Variants in DHODH observed in about 807,000 individuals in gnomAD.
DHODH encodes the protein dihydroorotate dehydrogenase (quinone), also known as dihydroorotate dehydrogenase (quinone), mitochondrial.
Under a neutral mutation model 39.7 loss-of-function variants are expected in DHODH, and 30 were observed. The observed-to-expected ratio is 0.76, with a 90% confidence interval of 0.57 to 1.02. DHODH has a LOEUF of 1.02. Ranked by LOEUF, DHODH falls within the 50% of genes least tolerant of loss-of-function variation. The pLI is 0.00. For synonymous variants in DHODH, 222 were observed against 213.8 expected (o/e 1.04, Z -0.34); for missense variants, 531 against 520.8 (o/e 1.02, Z -0.19).
At chr16:72,019,711 G>A (rs2041181841) in intron 4 of DHODH, among the ~76,000 whole-genome samples, 1 of 152,134 alleles carries the variant, frequency 6.6e-6, no homozygotes, top group South Asian at 2.1e-4. Context: ...CCCAGGCTAG[G>A]GGAGTAATCA....
intron 5 of DHODH, 42 bp from the exon 6 acceptor site, chr16:72,022,320 G>A (rs370985761): frequency 2.1e-6 from 3 of 1,462,980 alleles, no homozygotes; most frequent in Non-Finnish European, 2.8e-6. Context: ...CTGCAGGGCT[G>A]TGGTCTGCGG....
At chr16:72,009,031 G>A in intron 1 of DHODH, 1 of 1,423,366 alleles carries the variant, frequency 7.0e-7, no homozygotes, top group Non-Finnish European at 9.2e-7. Context: ...GTCTGCGCCT[G>A]GGCCATGTTT....
At chr16:72,013,135 C>T (rs1229300113) in intron 2 of DHODH, among the ~76,000 whole-genome samples, 3 of 151,430 alleles carry the variant, frequency 2.0e-5, no homozygotes, top group Non-Finnish European at 2.9e-5. Flanking sequence ...GGGCCTTCAC[C>T]GCATTTTCTC....
intron 3 of DHODH, chr16:72,016,056 A>G: frequency 5.5e-6 from 1 of 180,978 alleles, no homozygotes; most frequent in Non-Finnish European, 1.1e-5. Context: ...CAGTGTTGAG[A>G]CTCTGGTCCA....
chr16:72,021,434 G>A, intron 5 of DHODH, 123 bp downstream of exon 5: 1 of 1,060,390 alleles, frequency 9.4e-7, no homozygotes, highest in Admixed American at 2.0e-5. Context: ...TAGACCAGTA[G>A]GACCCCTGGC....
At chr16:72,013,154 T>G (rs1208977257) in intron 2 of DHODH, among the ~76,000 whole-genome samples, 2 of 147,430 alleles carry the variant, frequency 1.4e-5, no homozygotes, top group Non-Finnish European at 3.0e-5. Flanking sequence ...TCTTCCTACC[T>G]TAGACTCCTC....
chr16:72,015,154 T>C (rs1489002666), intron 3 of DHODH, among the ~76,000 whole-genome samples: 1 of 152,260 alleles, frequency 6.6e-6, no homozygotes, highest in African/African-American at 2.4e-5. Context: ...ATGTTACAAG[T>C]ATTTAAAAAA....
rs1567569608 is a variant in DHODH at position 72,012,243 on chromosome 16, T to A, written c.215T>A (p.Phe72Tyr). The A allele has an allele frequency of 6.2e-7, 1 of 1,614,110 alleles. No individual in the cohort carries two copies. Among genetic ancestry groups the A allele is most frequent in the Non-Finnish European group, 8.5e-7 (1 of 1,180,010 alleles). The part of the protein sequence containing the change: ...TSLGLLPRAR[F>Y]QDSDMLEVRV... ...CTGGGGCTCCTTCCACGGGCCAGAT[T>A]TCAAGACTCTGACATGCTGGTAGTG... Residue 72 changes from phenylalanine to tyrosine, a missense_variant, in exon 2 of 9, where the codon TTT (phenylalanine) becomes TAT (tyrosine). Phe to Tyr is a conservative substitution (Grantham distance 22). Transcript: ENST00000219240.
At chr16:72,014,387 T>C (rs2041116579) in intron 2 of DHODH, 86 bp from the exon 3 acceptor site, 1 of 1,356,010 alleles carries the variant, frequency 7.4e-7, no homozygotes, top group South Asian at 1.2e-5. Context: ...TCCCAGGTCA[T>C]TCTGATGTAG....
In DHODH at chr16:72,025,907, C is replaced by G. The variant is rs1423305263; in HGVS notation, c.*1708C>G. The G allele has an allele frequency of 6.6e-6, 1 of 152,370 alleles. No homozygotes were observed. The highest frequency in any genetic ancestry group is 2.4e-5 in the African/African-American group (1 of 41,456). 9.4% of individuals were successfully genotyped at this position (152,370 alleles called of 1,614,324 possible). The stretch of plus-strand genomic sequence containing the variant: ...ACGGGCAGAGAAGCGGCTGATTGTC[C>G]AGTCCCCCTGCGTGGAGGCTGCTTG... On this transcript the variant is annotated 3_prime_UTR_variant, in exon 9 of 9. Transcript: ENST00000219240.
intron 5 of DHODH, 113 bp downstream of exon 5, chr16:72,021,424 T>A: frequency 8.6e-7 from 1 of 1,156,496 alleles, no homozygotes; most frequent in Non-Finnish European, 1.2e-6. Flanking sequence ...CCTTAGCACC[T>A]AGACCAGTAG....
chr16:72,011,591 G>C (rs1482657282), intron 1 of DHODH, among the ~76,000 whole-genome samples: 1 of 152,168 alleles, frequency 6.6e-6, no homozygotes, highest in Non-Finnish European at 1.5e-5. Flanking sequence ...TGTTTATGTG[G>C]TAAAATATAG....
intron 3 of DHODH, 62 bp downstream of exon 3, chr16:72,014,734 TATAAGATCTGCCTC>T: frequency 1.3e-6 from 2 of 1,501,522 alleles, no homozygotes. Context: ...CGTTCAGAGA[TATAAGATCTGCCTC>T]TGTTTTTTTT....
At chr16:72,015,457 T>C (rs567335380) in intron 3 of DHODH, among the ~76,000 whole-genome samples, 2 of 152,366 alleles carry the variant, frequency 1.3e-5, no homozygotes, top group South Asian at 4.1e-4. Flanking sequence ...GGGCAATTTT[T>C]ACTACAGCAA....
chr16:72,023,235 G>A lies in DHODH; in HGVS notation c.890G>A (p.Arg297His), dbSNP rs200181357. 1,453 of 1,614,076 alleles carry A rather than the reference G, an allele frequency of 9.0e-4. No homozygotes were observed. The highest frequency in any genetic ancestry group is 1.2e-3 in the Non-Finnish European group (1,368 of 1,180,046). Residue 297 changes from arginine to histidine, a missense_variant, in exon 7 of 9, where the codon CGC (arginine) becomes CAC (histidine). Coordinates refer to ENST00000219240, the MANE Select transcript of DHODH (RefSeq NM_001361.5). ...CCTGCGGGCCTCCAGGGTGCCCTGC[G>A]CTCTGAAACAGGAGGGCTGAGTGGG... ...SRPAGLQGAL[R>H]SETGGLSGKP... is the part of the protein sequence containing the mutation.
At chr16:72,020,335 A>ATATATATATATGTGTG (rs1259454581) in intron 4 of DHODH, 17 of 117,340 alleles carry the variant, frequency 1.4e-4, no homozygotes, top group African/African-American at 5.5e-4. Context: ...ATGTGTATAT[A>ATATATATATATGTGTG]TATATATATA....
intron 3 of DHODH, among the ~76,000 whole-genome samples, chr16:72,015,341 G>A (rs1422785763): frequency 6.6e-6 from 1 of 152,224 alleles, no homozygotes; most frequent in Non-Finnish European, 1.5e-5. Flanking sequence ...GGCTAGCACA[G>A]CCCCAGCCTT....
intron 3 of DHODH, chr16:72,015,822 G>A (rs989416294): frequency 2.0e-6 from 2 of 985,350 alleles, no homozygotes; most frequent in East Asian, 2.3e-4. Context: ...CCTGCTCTGA[G>A]CCCTGTGTGT....
rs150996747 is a variant in DHODH at position 72,024,540 on chromosome 16, C to T, written c.*341C>T. 9.2e-4 allele frequency: 362 copies of T among 393,062 alleles called. 2 individuals are homozygous for T. The highest frequency in any genetic ancestry group is 6.0e-3 in the African/African-American group (291 of 48,788). The allele number at this position is 393,062 out of a possible 1,614,324, so 24.3% of individuals were successfully genotyped here. On this transcript the variant is annotated 3_prime_UTR_variant, in exon 9 of 9. Coordinates refer to ENST00000219240, the MANE Select transcript of DHODH (RefSeq NM_001361.5). ...CTAGCCCTTTCTGGTTTGCCATAGG[C>T]CCTGCCAAGATACTGCAGGTCCATC... is the stretch of plus-strand genomic sequence containing the variant.
Sources: gnomAD v4.1 joint callset for allele counts (sites outside exome capture counted in the v4.1 genomes callset) on GRCh38, gnomAD v4.1.1 for gene constraint, MANE v1.5 for transcripts, NCBI Gene and HGNC (gene_info 2026-07-23, HGNC 2026-07-21) for gene names.